Variants in SYN3 observed in about 807,000 individuals in gnomAD.
SYN3 encodes synapsin III.
SYN3 carries 35 observed loss-of-function variants against 65.8 expected under a neutral mutation model. That is an observed-to-expected ratio of 0.53 (90% CI 0.41 to 0.70). The LOEUF (loss-of-function observed/expected upper bound fraction) is 0.70, where lower values mean the gene tolerates loss of function less well. Ranked by LOEUF, SYN3 falls within the 30% of genes least tolerant of loss-of-function variation. The pLI, the probability that SYN3 is intolerant of heterozygous loss-of-function variation, is 0.00. For missense variants in SYN3, 680 were observed against 749.0 expected (o/e 0.91, Z 1.08); for synonymous variants, 270 against 292.9 (o/e 0.92, Z 0.80).
At chr22:32,832,076 G>T (rs1390184658) in intron 6 of SYN3, among the ~76,000 whole-genome samples, 1 of 152,140 alleles carries the variant, frequency 6.6e-6, no homozygotes, top group African/African-American at 2.4e-5. Flanking sequence ...GTGATTAGGG[G>T]CCAACTCCGT....
chr22:32,799,068 A>G (rs1228983625), intron 6 of SYN3, among the ~76,000 whole-genome samples: 1 of 152,166 alleles, frequency 6.6e-6, no homozygotes, highest in African/African-American at 2.4e-5. Flanking sequence ...CAATTCTTAC[A>G]TATTATTAGG....
At chr22:33,030,142 G>A (rs550933696) in intron 1 of SYN3, among the ~76,000 whole-genome samples, 1 of 152,320 alleles carries the variant, frequency 6.6e-6, no homozygotes, top group South Asian at 2.1e-4. Flanking sequence ...GTTGGAGGCA[G>A]TTGGAGGCAG....
intron 6 of SYN3, among the ~76,000 whole-genome samples, chr22:32,634,523 G>A (rs1252280210): frequency 6.6e-6 from 1 of 152,198 alleles, no homozygotes; most frequent in Non-Finnish European, 1.5e-5. Context: ...ATGCATATCT[G>A]ACCAGGGCAC....
At chr22:32,849,513 C>G (rs1337456620) in intron 6 of SYN3, 1 of 1,613,532 alleles carries the variant, frequency 6.2e-7, no homozygotes, top group Non-Finnish European at 8.5e-7. Flanking sequence ...GCACGCTGGT[C>G]TACACCATCA....
chr22:32,928,520 T>C (rs895333246), intron 4 of SYN3, among the ~76,000 whole-genome samples: 1 of 152,236 alleles, frequency 6.6e-6, no homozygotes, highest in Non-Finnish European at 1.5e-5. Flanking sequence ...CTCTGCTGAA[T>C]GAGTGTCACT....
At chr22:32,898,177 G>C (rs766949499) in intron 4 of SYN3, among the ~76,000 whole-genome samples, 3 of 152,152 alleles carry the variant, frequency 2.0e-5, no homozygotes, top group Non-Finnish European at 2.9e-5. Context: ...TGTATTTTTA[G>C]TAGAGACGGA....
chr22:32,814,180 GAAAAGAAA>G (rs760305336), intron 6 of SYN3, among the ~76,000 whole-genome samples: 633 of 56,500 alleles, frequency 0.011, 2 homozygotes, highest in African/African-American at 0.037. Context: ...GAGAAAGAAA[GAAAAGAAA>G]GAAAGAAAGA....
intron 6 of SYN3, among the ~76,000 whole-genome samples, chr22:32,793,909 G>A (rs149177300): frequency 9.2e-5 from 14 of 152,232 alleles, no homozygotes; most frequent in African/African-American, 3.4e-4. Context: ...TGACCTGGGG[G>A]TAATCTTTGA....
intron 6 of SYN3, among the ~76,000 whole-genome samples, chr22:32,763,185 C>T (rs1056877374): frequency 2.0e-5 from 3 of 151,572 alleles, no homozygotes; most frequent in Non-Finnish European, 4.4e-5. Flanking sequence ...CTCACTCTGT[C>T]GCCCAGGCTG....
chr22:32,947,951 T>G (rs1032249555), intron 3 of SYN3, among the ~76,000 whole-genome samples: 2 of 152,180 alleles, frequency 1.3e-5, no homozygotes, highest in African/African-American at 4.8e-5. Context: ...TCCTCCAGGT[T>G]ACTGGCAGAA....
At chr22:33,052,118 C>T (rs1047954590) in intron 1 of SYN3, among the ~76,000 whole-genome samples, 3 of 152,170 alleles carry the variant, frequency 2.0e-5, no homozygotes, top group Non-Finnish European at 2.9e-5. Flanking sequence ...TCAGCGGCAG[C>T]CACTGGCTTG....
At chr22:32,579,095 C>G (rs1479062811) in intron 7 of SYN3, among the ~76,000 whole-genome samples, 1 of 152,232 alleles carries the variant, frequency 6.6e-6, no homozygotes, top group Non-Finnish European at 1.5e-5. Context: ...TTTTTCATCT[C>G]TGAATCTTAA....
At chr22:32,803,045 T>G (rs1372245172) in intron 6 of SYN3, among the ~76,000 whole-genome samples, 1 of 152,008 alleles carries the variant, frequency 6.6e-6, no homozygotes, top group Non-Finnish European at 1.5e-5. Flanking sequence ...TGGGAGTGTT[T>G]GGGACACTTG....
intron 6 of SYN3, among the ~76,000 whole-genome samples, chr22:32,777,610 G>A (rs61048961): frequency 0.062 from 9,434 of 152,112 alleles, 457 homozygotes; most frequent in African/African-American, 0.14. Context: ...GTCGGGTACC[G>A]TGCTAGACAC....
At chr22:32,951,643 C>T (rs2051293470) in intron 3 of SYN3, among the ~76,000 whole-genome samples, 1 of 152,220 alleles carries the variant, frequency 6.6e-6, no homozygotes, top group African/African-American at 2.4e-5. Context: ...AGAGACTGTT[C>T]CCCAAGTTCC....
intron 6 of SYN3, among the ~76,000 whole-genome samples, chr22:32,765,494 T>C (rs1007028450): frequency 4.6e-5 from 7 of 152,040 alleles, no homozygotes; most frequent in Admixed American, 1.3e-4. Context: ...CAAGGTTTAA[T>C]TGAAAAACAG....
At chr22:33,017,379 T>A (rs2145848269) in intron 1 of SYN3, among the ~76,000 whole-genome samples, 1 of 152,362 alleles carries the variant, frequency 6.6e-6, no homozygotes, top group South Asian at 2.1e-4. Flanking sequence ...CTTTTGTGGT[T>A]CTATACAAAT....
intron 7 of SYN3, among the ~76,000 whole-genome samples, chr22:32,592,717 T>G (rs572593313): frequency 6.6e-6 from 1 of 152,310 alleles, no homozygotes; most frequent in Non-Finnish European, 1.5e-5. Context: ...AGGATGCCTT[T>G]TCCAACTAGG....
intron 6 of SYN3, among the ~76,000 whole-genome samples, chr22:32,667,822 G>T (rs1172754584): frequency 6.8e-6 from 1 of 148,000 alleles, no homozygotes; most frequent in African/African-American, 2.5e-5. Context: ...TTTTGAGACG[G>T]AGTGTCGCTC....
Sources: gnomAD v4.1 joint callset for allele counts (sites outside exome capture counted in the v4.1 genomes callset) on GRCh38, gnomAD v4.1.1 for gene constraint, MANE v1.5 for transcripts, NCBI Gene and HGNC (gene_info 2026-07-23, HGNC 2026-07-21) for gene names.